NUDT5: variants seen among roughly 807,000 people sequenced by gnomAD.
The protein encoded by NUDT5 is nudix hydrolase 5.
Under a neutral mutation model 34.1 loss-of-function variants are expected in NUDT5, and 21 were observed. The ratio of observed to expected loss-of-function variants is 0.62; its 90% confidence interval spans 0.44 to 0.89. NUDT5 has a LOEUF of 0.89. NUDT5 is among the 40% of genes least tolerant of loss of function. NUDT5 has a pLI of 0.00. For synonymous variants in NUDT5, 85 were observed against 97.6 expected (o/e 0.87, Z 0.76); for missense variants, 249 against 274.8 (o/e 0.91, Z 0.66).
At chr10:12,190,700 C>G (rs1835209546) in intron 1 of NUDT5, among the ~76,000 whole-genome samples, 1 of 151,408 alleles carries the variant, frequency 6.6e-6, no homozygotes, top group African/African-American at 2.4e-5. Flanking sequence ...CCTCCACCTC[C>G]CAGGTTGAAG....
At chr10:12,174,265 CTTTTTTT>C (rs199714426) in intron 5 of NUDT5, among the ~76,000 whole-genome samples, 1 of 135,710 alleles carries the variant, frequency 7.4e-6, no homozygotes, top group African/African-American at 2.7e-5. Flanking sequence ...GATTGGAACT[CTTTTTTT>C]TTTTTTTTTT....
intron 1 of NUDT5, among the ~76,000 whole-genome samples, chr10:12,190,215 T>A (rs751824536): frequency 2.0e-5 from 3 of 152,234 alleles, no homozygotes; most frequent in Non-Finnish European, 2.9e-5. Flanking sequence ...TTTATGATTT[T>A]CCTTAGTCTT....
intron 3 of NUDT5, among the ~76,000 whole-genome samples, chr10:12,180,162 G>A (rs1835021718): frequency 6.6e-6 from 1 of 152,108 alleles, no homozygotes. Flanking sequence ...CATTAAAATT[G>A]TTCAAATATT....
intron 3 of NUDT5, chr10:12,184,643 C>A: frequency 1.1e-6 from 1 of 934,262 alleles, no homozygotes. Context: ...TTTAGGTCTA[C>A]ACTTGTCTAC....
Position 12,166,368 on chromosome 10 carries a change from A to G in NUDT5, c.*1334T>C. On this transcript the variant is annotated 3_prime_UTR_variant, in exon 10 of 10. Transcript: ENST00000491614. ...GGATTTAAAAAAGGGTTAGAGGCAT[A>G]GGGGAAGGCTACCATTACAGGAAGT... 1 of 158,010 alleles carries G rather than the reference A, an allele frequency of 6.3e-6. No homozygotes were observed. The highest frequency in any genetic ancestry group is 1.8e-4 in the South Asian group (1 of 5,646). 9.8% of individuals were successfully genotyped at this position (158,010 alleles called of 1,614,324 possible).
rs948832347 is a variant in NUDT5 at position 12,173,637 on chromosome 10, G to A, written c.385+81C>T. On this transcript the variant is annotated intron_variant, in intron 6 of 9. Coordinates refer to ENST00000491614, the MANE Select transcript of NUDT5 (RefSeq NM_014142.4). The surrounding 1 kb of genome is among the most constrained non-coding windows in gnomAD (Gnocchi z 4.7). ...GATTTCTTTCTCTTCAGTGAATTCT[G>A]AGCGTAAAGAACACCCAAATAATCA... 1 of 1,048,898 alleles carries A rather than the reference G, an allele frequency of 9.5e-7. No homozygotes were observed. The highest frequency in any genetic ancestry group is 1.6e-5 in the African/African-American group (1 of 63,958). The allele number at this position is 1,048,898 out of a possible 1,614,324, so 65.0% of individuals were successfully genotyped here. A position where few individuals can be genotyped will look rare whatever the true frequency, so the allele number is the denominator to read the frequency against.
chr10:12,170,280 C>A lies in NUDT5; in HGVS notation c.550+437G>T. On this transcript the variant is annotated intron_variant, in intron 9 of 9. Coordinates refer to ENST00000491614, the MANE Select transcript of NUDT5 (RefSeq NM_014142.4). This position sits in a 1 kb window ranked among gnomAD's most constrained non-coding sequence, Gnocchi z 4.9. ...CACACGGAGTATACAGGAAATACCT[C>A]AAGTATTTGTTGAAGGAGCATCATC... 1 of 1,273,158 alleles carries A rather than the reference C, an allele frequency of 7.9e-7. No individual in the cohort carries two copies. The highest frequency in any genetic ancestry group is 1.2e-5 in the South Asian group (1 of 80,754). The allele number at this position is 1,273,158 out of a possible 1,614,324, so 78.9% of individuals were successfully genotyped here.
rs751653668 is a variant in NUDT5 at position 12,179,178 on chromosome 10, G to T, written c.132-46C>A. On this transcript the variant is annotated intron_variant, in intron 3 of 9. Coordinates refer to ENST00000491614, the MANE Select transcript of NUDT5 (RefSeq NM_014142.4). ...AAAAAGTCATTAGTGCTACAGAAGA[G>T]AATTTTCTTAGGTTTTCTCTGTACA... 1.9e-5 allele frequency: 29 copies of T among 1,537,004 alleles called. No homozygotes were observed. The African/African-American group carries it at 3.6e-4, about 19-fold the overall frequency.
chr10:12,185,416 A>C (rs532525871), intron 2 of NUDT5, among the ~76,000 whole-genome samples: 205 of 152,284 alleles, frequency 1.3e-3, no homozygotes, highest in Non-Finnish European at 2.4e-3. Context: ...GACTGTGGGG[A>C]AACAGGGTCC....
intron 5 of NUDT5, among the ~76,000 whole-genome samples, chr10:12,177,210 A>G (rs1308002471): frequency 1.3e-5 from 2 of 151,854 alleles, no homozygotes; most frequent in Non-Finnish European, 2.9e-5. Flanking sequence ...TGAGAAGGGG[A>G]AGGGCAATTA....
chr10:12,172,030 T>TA (rs1470350163), intron 7 of NUDT5, among the ~76,000 whole-genome samples: 5 of 151,946 alleles, frequency 3.3e-5, no homozygotes, highest in Non-Finnish European at 7.4e-5. Context: ...CGGCAAAAAA[T>TA]AAGACTTAAA....
intron 1 of NUDT5, among the ~76,000 whole-genome samples, chr10:12,186,930 T>C (rs1367598435): frequency 6.6e-6 from 1 of 151,422 alleles, no homozygotes; most frequent in Non-Finnish European, 1.5e-5. Flanking sequence ...CCCAGCCTGA[T>C]TTTTCTGACT....
intron 5 of NUDT5, among the ~76,000 whole-genome samples, chr10:12,177,506 G>A (rs576369419): frequency 1.1e-4 from 17 of 152,290 alleles, no homozygotes; most frequent in Admixed American, 2.0e-4. Flanking sequence ...GTGATAGAGC[G>A]AGACTCCGTC....
rs148236888 is a variant in NUDT5, at chr10:12,171,209, A to G, written c.488-301T>C. Among the ~76,000 whole-genome samples the G allele has an allele frequency of 1.5e-3, 232 of 152,302 alleles. 2 individuals are homozygous for G. The highest frequency in any genetic ancestry group is 5.3e-3 in the African/African-American group (221 of 41,536). On this transcript the variant is annotated intron_variant, in intron 7 of 9. Transcript: ENST00000491614. The surrounding 1 kb of genome is among the most constrained non-coding windows in gnomAD (Gnocchi z 4.2). The stretch of plus-strand genomic sequence containing the variant: ...ACCTTTTAACCACTATGAAGGTACA[A>G]TTCAGTAGCATTAAATAACATTCAA...
rs944610310 is a variant in NUDT5, at chr10:12,173,273, C to T, written c.386-407G>A. Among the ~76,000 whole-genome samples, 3 of 152,142 alleles carry T rather than the reference C, an allele frequency of 2.0e-5. No individual in the cohort carries two copies. Among genetic ancestry groups the T allele is most frequent in the African/African-American group, 7.2e-5 (3 of 41,426 alleles). ...TATTGCCCAGGATGGAGTGCACTGG[C>T]GTGATCTTGGCTCACTGCAACCTCT... is the stretch of plus-strand genomic sequence containing the variant. On this transcript the variant is annotated intron_variant, in intron 6 of 9. Transcript: ENST00000491614. This position sits in a 1 kb window ranked among gnomAD's most constrained non-coding sequence, Gnocchi z 4.7.
At position 12,179,219 on chromosome 10, in the gene NUDT5, A is replaced by G. The variant is rs576133771; in HGVS notation, c.132-87T>C. 20 of 962,786 alleles carry G rather than the reference A, an allele frequency of 2.1e-5. No individual in the cohort carries two copies. The East Asian group carries it at 4.6e-4, about 22-fold the overall frequency. The allele number at this position is 962,786 out of a possible 1,614,324, so 59.6% of individuals were successfully genotyped here. On this transcript the variant is annotated intron_variant, in intron 3 of 9. Transcript: ENST00000491614. ...TCTCTGTACAACCAGAACTTCTTAA[A>G]TGCAATGCATGCAAATGTACTCATG... is the stretch of plus-strand genomic sequence containing the variant.
Position 12,169,571 on chromosome 10 carries a change from A to T in NUDT5, c.550+1146T>A. On this transcript the variant is annotated intron_variant, in intron 9 of 9. Coordinates refer to ENST00000491614, the MANE Select transcript of NUDT5 (RefSeq NM_014142.4). The surrounding 1 kb of genome is among the most constrained non-coding windows in gnomAD (Gnocchi z 4.8). ...TCTCCAAATACGCACCAGATAAACT[A>T]TTGTATCTATTCAGTATGATTGTTC... The T allele has an allele frequency of 2.4e-6, 1 of 419,504 alleles. No homozygotes were observed. The highest frequency in any genetic ancestry group is 4.3e-6 in the Non-Finnish European group (1 of 235,060). 26.0% of individuals were successfully genotyped at this position (419,504 alleles called of 1,614,324 possible). A position where few individuals can be genotyped will look rare whatever the true frequency, so the allele number is the denominator to read the frequency against.
At chr10:12,177,599 G>C (rs1374176252) in intron 5 of NUDT5, among the ~76,000 whole-genome samples, 194 bp downstream of exon 5, 1 of 152,216 alleles carries the variant, frequency 6.6e-6, no homozygotes, top group South Asian at 2.1e-4. Context: ...AGGTGGCCTT[G>C]TGTCGCCTTC....
intron 1 of NUDT5, among the ~76,000 whole-genome samples, chr10:12,186,580 C>T (rs1835132801): frequency 1.3e-5 from 2 of 151,422 alleles, no homozygotes; most frequent in African/African-American, 2.4e-5. Context: ...CATGCCTGTT[C>T]TAGGCACTTA....
Sources: gnomAD v4.1 joint callset for allele counts (sites outside exome capture counted in the v4.1 genomes callset) on GRCh38, gnomAD v4.1.1 for gene constraint, Gnocchi (gnomAD v3.1) non-coding constraint, MANE v1.5 for transcripts, NCBI Gene and HGNC (gene_info 2026-07-23, HGNC 2026-07-21) for gene names.